The following ZFAND3 variants were observed in gnomAD, a reference collection of about 807,000 sequenced individuals.
ZFAND3 encodes the protein zinc finger AN1-type containing 3.
Under a neutral mutation model 29.6 loss-of-function variants are expected in ZFAND3, and 10 were observed. That is an observed-to-expected ratio of 0.34 (90% confidence interval 0.21 to 0.57). The LOEUF (loss-of-function observed/expected upper bound fraction) is 0.57. ZFAND3 is among the 20% of genes least tolerant of loss of function. The pLI is 0.86. For synonymous variants in ZFAND3, 128 were observed against 112.6 expected (o/e 1.14, Z -0.87); for missense variants, 230 against 304.5 (o/e 0.76, Z 1.82).
chr6:37,970,674 TG>T (rs777951192), intron 2 of ZFAND3, among the ~76,000 whole-genome samples: 2 of 152,092 alleles, frequency 1.3e-5, no homozygotes, highest in Non-Finnish European at 2.9e-5. Context: ...GAGGCCAAGA[TG>T]GGTGGATCAT....
intron 5 of ZFAND3, among the ~76,000 whole-genome samples, chr6:38,128,150 C>T (rs192995823): frequency 2.0e-5 from 3 of 152,132 alleles, no homozygotes; most frequent in African/African-American, 4.8e-5. Flanking sequence ...TCAAAATAAT[C>T]GGATTTTTAA....
chr6:38,094,049 CAG>C (rs1271228658), intron 4 of ZFAND3, among the ~76,000 whole-genome samples: 3 of 152,072 alleles, frequency 2.0e-5, no homozygotes, highest in Admixed American at 2.0e-4. Flanking sequence ...GACATACAGT[CAG>C]AGATTTTCTC....
At chr6:38,102,303 AG>A (rs953263178) in intron 4 of ZFAND3, among the ~76,000 whole-genome samples, 5 of 152,214 alleles carry the variant, frequency 3.3e-5, no homozygotes, top group Admixed American at 2.0e-4. Context: ...TAGGCATCAT[AG>A]GGGTGGGATA....
intron 2 of ZFAND3, among the ~76,000 whole-genome samples, chr6:37,976,771 T>G (rs543816312): frequency 6.6e-6 from 1 of 152,034 alleles, no homozygotes; most frequent in Middle Eastern, 3.4e-3. Flanking sequence ...GGGCCACACT[T>G]TAACACCATG....
At chr6:38,033,382 TTCTC>T (rs1763598510) in intron 2 of ZFAND3, among the ~76,000 whole-genome samples, 1 of 152,168 alleles carries the variant, frequency 6.6e-6, no homozygotes, top group Non-Finnish European at 1.5e-5. Flanking sequence ...GTTGAAATGT[TTCTC>T]TAGCTAGAGT....
chr6:38,119,083 G>A (rs987535589), intron 5 of ZFAND3, among the ~76,000 whole-genome samples: 2 of 152,182 alleles, frequency 1.3e-5, no homozygotes, highest in African/African-American at 4.8e-5. Flanking sequence ...TGGGCATTCA[G>A]TTTGACCCAC....
At chr6:37,957,977 G>C (rs189418409) in intron 2 of ZFAND3, among the ~76,000 whole-genome samples, 1 of 152,144 alleles carries the variant, frequency 6.6e-6, no homozygotes, top group East Asian at 1.9e-4. Context: ...CAAATAGAGG[G>C]ACTGGACCAG....
intron 2 of ZFAND3, among the ~76,000 whole-genome samples, chr6:37,961,913 A>G (rs1483047447): frequency 1.3e-5 from 2 of 152,188 alleles, no homozygotes; most frequent in African/African-American, 2.4e-5. Flanking sequence ...CCAGACTGCA[A>G]AGACTACAAT....
chr6:38,043,618 C>T (rs1450436888), intron 2 of ZFAND3, among the ~76,000 whole-genome samples: 5 of 150,308 alleles, frequency 3.3e-5, no homozygotes, highest in South Asian at 4.3e-4. Context: ...TTCCCTCTCC[C>T]GCTCTTCCCC....
At chr6:37,886,746 A>G (rs10428769) in intron 1 of ZFAND3, among the ~76,000 whole-genome samples, 33,205 of 152,064 alleles carry the variant, frequency 0.22, 4,535 homozygotes, top group African/African-American at 0.38. Context: ...TGTAATCCTG[A>G]TACTTTGGGA....
At chr6:37,992,836 T>C (rs538785294) in intron 2 of ZFAND3, among the ~76,000 whole-genome samples, 2 of 152,340 alleles carry the variant, frequency 1.3e-5, no homozygotes, top group African/African-American at 4.8e-5. Context: ...TTGTTTTTCC[T>C]GTCATTTTTT....
At chr6:38,096,746 G>T (rs1449283517) in intron 4 of ZFAND3, among the ~76,000 whole-genome samples, 2 of 152,046 alleles carry the variant, frequency 1.3e-5, no homozygotes, top group East Asian at 3.9e-4. Flanking sequence ...TTCATTTCCT[G>T]TTTTCTGGAT....
chr6:37,884,123 ATTGT>A (rs1764946760), intron 1 of ZFAND3, among the ~76,000 whole-genome samples: 1 of 145,164 alleles, frequency 6.9e-6, no homozygotes, highest in Non-Finnish European at 1.5e-5. Flanking sequence ...TGGTTTTGAT[ATTGT>A]TTGAGTCTAA....
chr6:38,151,728 C>T (rs1420265153), intron 5 of ZFAND3, among the ~76,000 whole-genome samples: 3 of 152,186 alleles, frequency 2.0e-5, no homozygotes, highest in African/African-American at 7.2e-5. Flanking sequence ...AGAGCTCCCA[C>T]TCATTTTTGG....
chr6:37,844,198 A>G (rs1016989598), intron 1 of ZFAND3, among the ~76,000 whole-genome samples: 1 of 152,038 alleles, frequency 6.6e-6, no homozygotes, highest in African/African-American at 2.4e-5. Flanking sequence ...TGTTGGGATT[A>G]TAGGCGTGAG....
rs535507385 is a variant in ZFAND3, at chr6:37,931,996, C to T, written c.112+1997C>T. Among the ~76,000 whole-genome samples, 5 of 152,262 alleles carry T rather than the reference C, an allele frequency of 3.3e-5. No homozygotes were observed. In the South Asian group the frequency reaches 6.2e-4, roughly 19 times the overall value. On this transcript the variant is annotated intron_variant, in intron 2 of 5. Transcript: ENST00000287218. The stretch of plus-strand genomic sequence containing the variant: ...GTTAAAGGACTGTATTCAGGCCGGG[C>T]GCAGTGGCTCACGCCTATAATCCCA...
chr6:38,063,666 C>G (rs1458103311), intron 3 of ZFAND3, among the ~76,000 whole-genome samples: 1 of 152,042 alleles, frequency 6.6e-6, no homozygotes, highest in East Asian at 1.9e-4. Flanking sequence ...TTCTCAATGG[C>G]AAATGACTGT....
At chr6:38,144,198 TATATATATATATA>T (rs1766035695) in intron 5 of ZFAND3, among the ~76,000 whole-genome samples, 1 of 40,260 alleles carries the variant, frequency 2.5e-5, no homozygotes, top group Non-Finnish European at 5.3e-5. Flanking sequence ...TATATATATA[TATATATATATATA>T]ATATATAATA....
At chr6:37,915,187 C>G (rs147109497) in intron 1 of ZFAND3, among the ~76,000 whole-genome samples, 1 of 152,278 alleles carries the variant, frequency 6.6e-6, no homozygotes, top group African/African-American at 2.4e-5. Context: ...ATGCAGCTTC[C>G]TCACTTCTCT....
Sources: allele counts gnomAD v4.1 joint callset (sites outside exome capture counted in the v4.1 genomes callset), GRCh38; gene constraint gnomAD v4.1.1; transcripts MANE v1.5; gene names NCBI Gene and HGNC (gene_info 2026-07-23, HGNC 2026-07-21).